CHRM5: variants seen among roughly 807,000 people sequenced by gnomAD.
The protein encoded by CHRM5 is cholinergic receptor muscarinic 5, also known as muscarinic acetylcholine receptor M5.
A neutral mutation model predicts 39.0 loss-of-function variants in CHRM5; 18 were observed. The observed-to-expected ratio is 0.46, with a 90% CI of 0.32 to 0.68. The LOEUF is 0.68. CHRM5 is among the 30% of genes least tolerant of loss of function. The probability of loss-of-function intolerance (pLI) is 0.04; values close to 1 mark genes in which losing one functional copy is unlikely to be tolerated. For synonymous variants in CHRM5, 241 were observed against 246.3 expected, an observed-to-expected ratio of 0.98 and a Z score of 0.20; for missense variants, 515 against 651.1, an observed-to-expected ratio of 0.79 and a Z score of 2.28.
At chr15:34,038,812 G>A in intron 1 of CHRM5, 1 of 1,193,598 alleles carries the variant, frequency 8.4e-7, no homozygotes, top group African/African-American at 1.6e-5. Flanking sequence ...CAGCCTCCCG[G>A]CTCCCGGCGG....
chr15:34,051,406 A>G (rs923468298), intron 2 of CHRM5, among the ~76,000 whole-genome samples: 5 of 152,238 alleles, frequency 3.3e-5, no homozygotes, highest in African/African-American at 4.8e-5. Flanking sequence ...TCTCAAGTTA[A>G]AAACCTAACA....
chr15:34,049,606 T>C (rs893433152), intron 2 of CHRM5, among the ~76,000 whole-genome samples: 1 of 152,140 alleles, frequency 6.6e-6, no homozygotes, highest in African/African-American at 2.4e-5. Flanking sequence ...TTGGAAAACA[T>C]ACTTCAGGAT....
chr15:34,013,926 G>T (rs74790073), intron 1 of CHRM5, among the ~76,000 whole-genome samples: 2,557 of 152,266 alleles, frequency 0.017, 84 homozygotes, highest in African/African-American at 0.058. Flanking sequence ...TCTTCCGCCT[G>T]CTGACTCTTC....
At chr15:34,047,773 T>TAG (rs10632950) in intron 2 of CHRM5, among the ~76,000 whole-genome samples, 121,331 of 151,780 alleles carry the variant, frequency 0.8, 48,785 homozygotes, top group East Asian at 1. Context: ...TTTTTGGAGA[T>TAG]AGTCTCACTT....
chr15:33,975,151 TC>T (rs1162087001), intron 1 of CHRM5, among the ~76,000 whole-genome samples: 2 of 152,122 alleles, frequency 1.3e-5, no homozygotes, highest in African/African-American at 4.8e-5. Context: ...TCTCACCCCA[TC>T]TCTTCTACAC....
chr15:33,988,249 T>A (rs1896562891), intron 1 of CHRM5, among the ~76,000 whole-genome samples: 1 of 152,262 alleles, frequency 6.6e-6, no homozygotes, highest in Admixed American at 6.5e-5. Context: ...TAGTTTTTTT[T>A]AGTTTCAGAT....
intron 1 of CHRM5, chr15:34,003,164 C>T (rs1567460464): frequency 1.4e-5 from 22 of 1,613,760 alleles, no homozygotes; most frequent in Non-Finnish European, 1.9e-5. Flanking sequence ...TTTCCCTGTT[C>T]ATCATTCTCT....
rs1900529142 is a variant in CHRM5 at position 34,067,009 on chromosome 15, A to AATT, written c.*2693_*2694insATT. ...ATGAATAGACCTAATTGTAAACTAC[A>AATT]GGGACCTGATGGGTGGGTGGGAGGC... On this transcript the variant is annotated 3_prime_UTR_variant, in exon 3 of 3. Transcript: ENST00000383263. 1 of 152,146 alleles carries AATT rather than the reference A, an allele frequency of 6.6e-6. No homozygotes were observed. The highest frequency in any genetic ancestry group is 1.5e-5 in the Non-Finnish European group (1 of 68,038). 9.4% of individuals were successfully genotyped at this position (152,146 alleles called of 1,614,324 possible). A position where few individuals can be genotyped will look rare whatever the true frequency, so the allele number is the denominator to read the frequency against.
chr15:34,043,029 C>G (rs8040776), intron 1 of CHRM5, among the ~76,000 whole-genome samples: 73,427 of 151,424 alleles, frequency 0.48, 20,265 homozygotes, highest in African/African-American at 0.76. Flanking sequence ...GGGTGGATCA[C>G]GAGGTCAGGA....
intron 1 of CHRM5, among the ~76,000 whole-genome samples, chr15:33,970,297 C>T (rs892664933): frequency 3.3e-5 from 5 of 151,858 alleles, no homozygotes; most frequent in African/African-American, 9.7e-5. Context: ...TCAAGACAGT[C>T]TATAAATAAC....
chr15:34,057,608 A>C (rs926389601), intron 2 of CHRM5, among the ~76,000 whole-genome samples: 6 of 152,134 alleles, frequency 3.9e-5, no homozygotes, highest in African/African-American at 7.2e-5. Flanking sequence ...AAAATCTGAG[A>C]CTCAGGTTAA....
intron 1 of CHRM5, among the ~76,000 whole-genome samples, chr15:34,024,629 G>A (rs1242853176): frequency 6.6e-6 from 1 of 151,580 alleles, no homozygotes; most frequent in Non-Finnish European, 1.5e-5. Context: ...GAGGCGGGCG[G>A]ATCATGAGGT....
intron 1 of CHRM5, among the ~76,000 whole-genome samples, chr15:33,977,571 A>G (rs556474381): frequency 2.6e-5 from 4 of 152,218 alleles, no homozygotes; most frequent in African/African-American, 9.6e-5. Flanking sequence ...GCTCTCCTCC[A>G]AGGACACTTT....
chr15:33,982,662 T>C, intron 1 of CHRM5, among the ~76,000 whole-genome samples: 1 of 152,208 alleles, frequency 6.6e-6, no homozygotes, highest in East Asian at 1.9e-4. Flanking sequence ...AATTTAGTAA[T>C]GGAAACAAGA....
At position 33,969,126 on chromosome 15, in the gene CHRM5, T is replaced by C. The variant is rs954191477; in HGVS notation, c.-432T>C. On this transcript the variant is annotated 5_prime_UTR_variant, in exon 1 of 3. Transcript: ENST00000383263. ...TATTTCCAGCCAGAGTTCAAATTAC[T>C]GAGCTTCAAACAAACCACTGCCAGG... is the stretch of plus-strand genomic sequence containing the variant. 1.6e-4 allele frequency: 25 copies of C among 152,238 alleles called. No individual in the cohort carries two copies. Among genetic ancestry groups the C allele is most frequent in the African/African-American group, 6.0e-4 (25 of 41,570 alleles). 9.4% of individuals were successfully genotyped at this position (152,238 alleles called of 1,614,324 possible). A position where few individuals can be genotyped will look rare whatever the true frequency, so the allele number is the denominator to read the frequency against.
chr15:34,035,593 C>T (rs997331702), intron 1 of CHRM5, among the ~76,000 whole-genome samples: 5 of 151,992 alleles, frequency 3.3e-5, no homozygotes, highest in African/African-American at 4.8e-5. Context: ...AGTTATTTAA[C>T]GGTGCCTCAG....
intron 1 of CHRM5, among the ~76,000 whole-genome samples, chr15:34,044,576 CAT>C (rs10549086): frequency 0.98 from 148,770 of 152,222 alleles, 72,793 homozygotes; most frequent in East Asian, 1. Flanking sequence ...TCTTGGCACA[CAT>C]AGAAAATGGT....
At chr15:33,989,153 C>CA (rs574207465) in intron 1 of CHRM5, among the ~76,000 whole-genome samples, 2,097 of 141,842 alleles carry the variant, frequency 0.015, 45 homozygotes, top group African/African-American at 0.048. Flanking sequence ...CACAAACACA[C>CA]ACAAAAAAGC....
rs562443673 is a variant in CHRM5 at position 33,983,854 on chromosome 15, A to G, written c.-408+14704A>G. 2.4e-3 allele frequency among the ~76,000 whole-genome samples: 371 copies of G among 152,128 alleles called. 3 individuals carry two copies. The highest frequency in any genetic ancestry group is 8.3e-3 in the African/African-American group (346 of 41,516). On this transcript the variant is annotated intron_variant, in intron 1 of 2. Transcript: ENST00000383263. ...TAAGTCCTATAAATATTTTGTGTCC[A>G]CTGACATGATCCAACAAGAAAGGTA...
Sources: gnomAD v4.1 joint callset for allele counts (sites outside exome capture counted in the v4.1 genomes callset) on GRCh38, gnomAD v4.1.1 for gene constraint, MANE v1.5 for transcripts, NCBI Gene and HGNC (gene_info 2026-07-23, HGNC 2026-07-21) for gene names.